The following NUP133 variants were observed in gnomAD, a reference collection of about 807,000 sequenced individuals.
NUP133 encodes the protein nucleoporin 133, also known as nuclear pore complex protein Nup133.
In NUP133, 66 loss-of-function variants were observed where a neutral mutation model predicts 146.2. The ratio of observed to expected loss-of-function variants is 0.45; its 90% confidence interval spans 0.37 to 0.55. The LOEUF (loss-of-function observed/expected upper bound fraction) is 0.55. Ranked by LOEUF, NUP133 falls within the 20% of genes least tolerant of loss-of-function variation. The probability of loss-of-function intolerance (pLI) is 0.00; values close to 1 mark genes in which losing one functional copy is unlikely to be tolerated. For synonymous variants in NUP133, 521 were observed against 498.8 expected (o/e 1.04, Z -0.59); for missense variants, 1,277 against 1,374.8 (o/e 0.93, Z 1.12).
intron 21 of NUP133, 40 bp downstream of exon 21, chr1:229,458,121 C>T (rs1392492003): frequency 1.3e-6 from 2 of 1,593,538 alleles, no homozygotes; most frequent in East Asian, 2.2e-5. Context: ...TAATTGATGG[C>T]ATGACCAATT....
At chr1:229,480,039 T>A (rs1661172266) in intron 12 of NUP133, among the ~76,000 whole-genome samples, 1 of 152,158 alleles carries the variant, frequency 6.6e-6, no homozygotes, top group Admixed American at 6.5e-5. Context: ...TAGTCTTAAG[T>A]GAAGCAGGAG....
At chr1:229,443,782 G>A (rs1295668530) in intron 25 of NUP133, among the ~76,000 whole-genome samples, 3 of 135,994 alleles carry the variant, frequency 2.2e-5, no homozygotes, top group African/African-American at 8.4e-5. Flanking sequence ...AGGCTGAAGT[G>A]CAGTGGCACC....
chr1:229,464,370 G>A (rs890146361), intron 18 of NUP133, among the ~76,000 whole-genome samples: 1 of 152,128 alleles, frequency 6.6e-6, no homozygotes, highest in Non-Finnish European at 1.5e-5. Context: ...GTGATGCTAA[G>A]CTCTTTAAGG....
At chr1:229,479,186 T>C (rs990919330) in intron 12 of NUP133, among the ~76,000 whole-genome samples, 1 of 152,174 alleles carries the variant, frequency 6.6e-6, no homozygotes, top group Non-Finnish European at 1.5e-5. Flanking sequence ...AATCCACCCA[T>C]ATTCAAGTCC....
In NUP133 at chr1:229,489,976, A is replaced by G. The variant is rs758102389; in HGVS notation, c.1173T>C (p.Thr391=). The change falls in exon 9 of 26, where the codon ACT becomes ACC. Residue 391 remains threonine (T), a synonymous_variant. Transcript: ENST00000261396. Reference sequence around the variant, plus strand: ...TTACCTGAAAAGGTGGATTATATTGAGTGACTTCTACAGTAACTGCATCTG... The same window carrying G: ...TTACCTGAAAAGGTGGATTATATTGGGTGACTTCTACAGTAACTGCATCTG... The part of the protein sequence containing the change: ...QMSDAVTVEV[T]QYNPPFQSED... 3.1e-6 allele frequency: 5 copies of G among 1,602,294 alleles called. No homozygotes were observed. Among genetic ancestry groups the G allele is most frequent in the Non-Finnish European group, 4.3e-6 (5 of 1,174,416 alleles).
At chr1:229,488,018 G>C (rs1661405108) in intron 9 of NUP133, among the ~76,000 whole-genome samples, 1 of 151,502 alleles carries the variant, frequency 6.6e-6, no homozygotes, top group Non-Finnish European at 1.5e-5. Flanking sequence ...TAATTTTTTT[G>C]TATCTTTAGT....
At chr1:229,449,871 ATATTTTTTTT>A (rs1186998663) in intron 23 of NUP133, among the ~76,000 whole-genome samples, 3 of 102,036 alleles carry the variant, frequency 2.9e-5, no homozygotes, top group Admixed American at 1.1e-4. Context: ...ATATATATAT[ATATTTTTTTT>A]TTTTTTTTTT....
At chr1:229,500,899 C>G (rs1321394038) in intron 3 of NUP133, 36 bp from the exon 4 acceptor site, 21 of 1,368,698 alleles carry the variant, frequency 1.5e-5, no homozygotes, top group Non-Finnish European at 2.2e-5. Flanking sequence ...TCTTTCACAT[C>G]AAATCCAGTA....
At position 229,459,426 on chromosome 1, in the gene NUP133, G is replaced by A. The variant is rs535530018; in HGVS notation, c.2845-1130C>T. Among the ~76,000 whole-genome samples, 67 of 152,064 alleles carry A rather than the reference G, an allele frequency of 4.4e-4. 1 individual carries two copies. The highest frequency in any genetic ancestry group is 1.6e-3 in the African/African-American group (67 of 41,476). On this transcript the variant is annotated intron_variant, in intron 20 of 25. Transcript: ENST00000261396. ...CTTGTACCCTTTGACCAACTTCTCC[G>A]GCCCATCTCCCCTTTTAAATTGGGT... is the stretch of plus-strand genomic sequence containing the variant.
chr1:229,475,297 A>G lies in NUP133; in HGVS notation c.1851+341T>C, dbSNP rs553763042. 2.7e-4 allele frequency among the ~76,000 whole-genome samples: 41 copies of G among 152,330 alleles called. No individual in the cohort carries two copies. In the South Asian group the frequency reaches 7.9e-3, roughly 29 times the overall value. ...TATATGTGAGGATAACCTTTACCCA[A>G]AAAAAGAAAAGGAATACTTTCAATG... On this transcript the variant is annotated intron_variant, in intron 14 of 25. Transcript: ENST00000261396.
chr1:229,483,497 G>C (rs1661268073), intron 12 of NUP133, among the ~76,000 whole-genome samples: 1 of 151,920 alleles, frequency 6.6e-6, no homozygotes. Context: ...CTAAAATCAG[G>C]AGTTTGAGAC....
At chr1:229,474,227 C>T (rs1312440902) in intron 14 of NUP133, among the ~76,000 whole-genome samples, 1 of 152,120 alleles carries the variant, frequency 6.6e-6, no homozygotes, top group East Asian at 1.9e-4. Context: ...AAATGCAGGT[C>T]GAGTGATTCC....
At chr1:229,481,739 C>A (rs962033855) in intron 12 of NUP133, among the ~76,000 whole-genome samples, 1 of 151,140 alleles carries the variant, frequency 6.6e-6, no homozygotes, top group East Asian at 1.9e-4. Flanking sequence ...AGGACAGCTA[C>A]GTGACAATGG....
intron 1 of NUP133, among the ~76,000 whole-genome samples, chr1:229,506,447 G>GTGT (rs1661938659): frequency 8.1e-6 from 1 of 124,098 alleles, no homozygotes; most frequent in Non-Finnish European, 1.7e-5. Context: ...AACTAGACCA[G>GTGT]TGTTTTTTTT....
chr1:229,500,775 C>T lies in NUP133; in HGVS notation c.494G>A (p.Gly165Asp). ...LVALSYSSPS[G>D]EAHSTQAVAV... ...ACCTACCTGAGTAGAATGTGCTTCACCTGAGGGAGAAGAGTAAGAAAGAGC... is the reference window on the plus strand; with the variant it reads ...ACCTACCTGAGTAGAATGTGCTTCATCTGAGGGAGAAGAGTAAGAAAGAGC... The change falls in exon 4 of 26, where the codon GGT (glycine) becomes GAT (aspartate). Residue 165 changes from glycine to aspartate, a missense_variant. By Grantham distance (94) the Gly-to-Asp change is moderately conservative (BLOSUM62 -1). This residue lies in a region of NUP133 where 319 missense variants were observed against 306.9 expected (regional missense o/e 1.04). Coordinates refer to ENST00000261396, the MANE Select transcript of NUP133 (RefSeq NM_018230.3). The T allele has an allele frequency of 6.2e-7, 1 of 1,611,648 alleles. No homozygotes were observed. The highest frequency in any genetic ancestry group is 8.5e-7 in the Non-Finnish European group (1 of 1,178,262).
chr1:229,456,912 C>T (rs982971715), intron 21 of NUP133, among the ~76,000 whole-genome samples: 12 of 151,634 alleles, frequency 7.9e-5, no homozygotes, highest in African/African-American at 2.7e-4. Context: ...ACTGCCACCT[C>T]AACCTCCTGG....
At position 229,478,497 on chromosome 1, in the gene NUP133, C is replaced by T. The variant is rs532878950; in HGVS notation, c.1593-737G>A. On this transcript the variant is annotated intron_variant, in intron 12 of 25. Transcript: ENST00000261396. The stretch of plus-strand genomic sequence containing the variant: ...TGCACACAGAACATACATCCACATC[C>T]GTCCGCAAGTAAGCCTCTATCTCAG... 3.3e-4 allele frequency among the ~76,000 whole-genome samples: 50 copies of T among 152,124 alleles called. No homozygotes were observed. The Middle Eastern group carries it at 0.01, about 31-fold the overall frequency.
At chr1:229,502,573 A>AAG (rs1367255409) in intron 2 of NUP133, among the ~76,000 whole-genome samples, 1 of 150,136 alleles carries the variant, frequency 6.7e-6, no homozygotes, top group Non-Finnish European at 1.5e-5. Flanking sequence ...AAAAAAAAAA[A>AAG]AAAAAAAGAA....
chr1:229,444,610 A>G (rs1660261673), intron 25 of NUP133, among the ~76,000 whole-genome samples: 1 of 151,590 alleles, frequency 6.6e-6, no homozygotes, highest in South Asian at 2.1e-4. Context: ...CTTTAGACAG[A>G]GGCCAAGGCA....
Sources: allele counts gnomAD v4.1 joint callset (sites outside exome capture counted in the v4.1 genomes callset), GRCh38; gene constraint gnomAD v4.1.1; regional missense constraint gnomAD v4.1.1; transcripts MANE v1.5; gene names NCBI Gene and HGNC (gene_info 2026-07-23, HGNC 2026-07-21).